Variants in SHE observed in about 807,000 individuals in gnomAD.
SHE encodes SH2 domain-containing adapter protein E.
SHE carries 11 observed loss-of-function variants against 49.8 expected under a neutral mutation model. The observed-to-expected ratio is 0.22, with a 90% CI of 0.14 to 0.37. The LOEUF is 0.37. Ranked by LOEUF, SHE falls within the 10% of genes least tolerant of loss-of-function variation. The pLI is 1.00. For missense variants in SHE, 624 were observed against 655.5 expected, an observed-to-expected ratio of 0.95 and a Z score of 0.52; for synonymous variants, 310 against 278.1, an observed-to-expected ratio of 1.11 and a Z score of -1.14.
At chr1:154,495,932 A>G (rs952372819) in intron 2 of SHE, among the ~76,000 whole-genome samples, 1 of 152,250 alleles carries the variant, frequency 6.6e-6, no homozygotes, top group Admixed American at 6.5e-5. Flanking sequence ...TTCCATCTTC[A>G]GAAATGCTGA....
chr1:154,479,065 T>G (rs1352547276), downstream of SHE, among the ~76,000 whole-genome samples: 1 of 152,210 alleles, frequency 6.6e-6, no homozygotes, highest in African/African-American at 2.4e-5. Flanking sequence ...TGGTACAATT[T>G]TTTTTTAAAA....
chr1:154,486,463 C>G, intron 4 of SHE, 64 bp downstream of exon 4: 1 of 1,587,332 alleles, frequency 6.3e-7, no homozygotes, highest in Non-Finnish European at 8.6e-7. Context: ...CCAATGTGCT[C>G]CCTGATACAA....
intron 3 of SHE, among the ~76,000 whole-genome samples, chr1:154,487,532 C>T (rs1358875509): frequency 6.6e-6 from 1 of 151,744 alleles, no homozygotes; most frequent in East Asian, 2.0e-4. Flanking sequence ...TGAGCAGGTA[C>T]CCGAGATGAC....
chr1:154,495,619 T>C (rs1692504558), intron 2 of SHE, among the ~76,000 whole-genome samples: 1 of 152,074 alleles, frequency 6.6e-6, no homozygotes, highest in Non-Finnish European at 1.5e-5. Context: ...TTTCAATGAC[T>C]TATCTTCTTT....
chr1:154,475,336 G>A (rs529392208), downstream of SHE, among the ~76,000 whole-genome samples: 556 of 152,180 alleles, frequency 3.7e-3, 1 homozygote, highest in African/African-American at 0.013. Flanking sequence ...ACAGGCATGC[G>A]CCACCATGCC....
chr1:154,488,566 CT>C (rs1220247216), intron 3 of SHE, among the ~76,000 whole-genome samples: 1 of 150,914 alleles, frequency 6.6e-6, no homozygotes, highest in African/African-American at 2.4e-5. Context: ...CTTGGTTATA[CT>C]TTTATTTATT....
chr1:154,495,315 G>A (rs891395521), intron 2 of SHE, among the ~76,000 whole-genome samples: 6 of 152,216 alleles, frequency 3.9e-5, no homozygotes, highest in Non-Finnish European at 1.5e-5. Flanking sequence ...AGAATATTTA[G>A]TTAAAATGTT....
chr1:154,501,860 G>A lies in SHE; in HGVS notation c.167C>T (p.Ala56Val). The A allele has an allele frequency of 2.0e-6, 3 of 1,536,950 alleles. No homozygotes were observed. Among genetic ancestry groups the A allele is most frequent in the South Asian group, 2.4e-5 (2 of 84,310 alleles). Residue 56 changes from alanine to valine, a missense_variant, in exon 1 of 6, where the codon GCC becomes GTC. Physicochemically the swap from Ala to Val is moderately conservative, Grantham distance 64. Transcript: ENST00000304760. Reference protein sequence around the residue: ...PLNLKTVSERAKPGGGGGKLR... With the variant: ...PLNLKTVSERVKPGGGGGKLR... Reference sequence around the variant, plus strand: ...TTTGCCGCCGCCGCCCCCGGGCTTGGCCCGCTCCGACACGGTCTTCAGGTT... The same window carrying A: ...TTTGCCGCCGCCGCCCCCGGGCTTGACCCGCTCCGACACGGTCTTCAGGTT...
intron 3 of SHE, among the ~76,000 whole-genome samples, chr1:154,488,183 T>C (rs1021563658): frequency 6.6e-6 from 1 of 151,928 alleles, no homozygotes; most frequent in Non-Finnish European, 1.5e-5. Flanking sequence ...CCTCATGATC[T>C]GCCTGCCTCG....
At chr1:154,493,214 CAAT>C (rs1434152020) in intron 2 of SHE, among the ~76,000 whole-genome samples, 2 of 152,188 alleles carry the variant, frequency 1.3e-5, no homozygotes, top group Non-Finnish European at 2.9e-5. Context: ...TCTTTTGAAA[CAAT>C]GTTTAATTAG....
At chr1:154,495,405 C>G (rs960992392) in intron 2 of SHE, among the ~76,000 whole-genome samples, 3 of 152,042 alleles carry the variant, frequency 2.0e-5, no homozygotes, top group Non-Finnish European at 4.4e-5. Context: ...ATGAACAATC[C>G]TTTGGATAAA....
At position 154,482,316 on chromosome 1, in the gene SHE, C is replaced by T. The variant is rs373536206; in HGVS notation, c.*1833G>A. The T allele has an allele frequency of 1.0e-6, 1 of 985,124 alleles. No individual in the cohort carries two copies. Among genetic ancestry groups the T allele is most frequent in the Non-Finnish European group, 1.2e-6 (1 of 829,864 alleles). The allele number at this position is 985,124 out of a possible 1,614,324, so 61.0% of individuals were successfully genotyped here. A position where few individuals can be genotyped will look rare whatever the true frequency, so the allele number is the denominator to read the frequency against. ...TGCATGAGCCACCGCACCCAGCCTA[C>T]ATTCTTTATTAATAAAATCATTGTG... On this transcript the variant is annotated 3_prime_UTR_variant, in exon 6 of 6. Transcript: ENST00000304760.
chr1:154,477,054 C>T (rs1220146239), downstream of SHE, among the ~76,000 whole-genome samples: 1 of 152,198 alleles, frequency 6.6e-6, no homozygotes, highest in Non-Finnish European at 1.5e-5. Context: ...GCTTAAATGA[C>T]CTTCAGGACT....
intron 1 of SHE, among the ~76,000 whole-genome samples, chr1:154,470,878 C>T (rs1026438341): frequency 1.3e-5 from 2 of 151,824 alleles, no homozygotes; most frequent in Non-Finnish European, 2.9e-5. Flanking sequence ...GGCATGGTGG[C>T]GGTCACCTGT....
At chr1:154,479,060 C>A (rs1691954708), downstream of SHE, among the ~76,000 whole-genome samples, 1 of 152,058 alleles carries the variant, frequency 6.6e-6, no homozygotes, top group South Asian at 2.1e-4. Context: ...TCACCTGGTA[C>A]AATTTTTTTT....
At chr1:154,499,646 C>G (rs538209186) in intron 1 of SHE, among the ~76,000 whole-genome samples, 2 of 152,190 alleles carry the variant, frequency 1.3e-5, no homozygotes, top group East Asian at 3.9e-4. Flanking sequence ...CTGAGCAGTA[C>G]AGTCATAATG....
intron 2 of SHE, among the ~76,000 whole-genome samples, chr1:154,492,469 A>C (rs6684921): frequency 0.51 from 77,190 of 151,966 alleles, 22,709 homozygotes; most frequent in East Asian, 0.77. Context: ...CCACTTCCAC[A>C]TCAGAATGTA....
intron 2 of SHE, among the ~76,000 whole-genome samples, chr1:154,494,639 A>G (rs1322065693): frequency 1.3e-5 from 2 of 152,060 alleles, no homozygotes; most frequent in African/African-American, 4.8e-5. Flanking sequence ...TTTAAAAATA[A>G]TCTTTGACTG....
intron 2 of SHE, among the ~76,000 whole-genome samples, chr1:154,495,607 C>T (rs912724256): frequency 3.9e-5 from 6 of 152,106 alleles, no homozygotes; most frequent in Admixed American, 1.3e-4. Context: ...ACTTATCATG[C>T]TTTTCAATGA....
Sources: allele counts gnomAD v4.1 joint callset (sites outside exome capture counted in the v4.1 genomes callset), GRCh38; gene constraint gnomAD v4.1.1; transcripts MANE v1.5; gene names NCBI Gene and HGNC (gene_info 2026-07-23, HGNC 2026-07-21).